SOS2: variants seen among roughly 807,000 people sequenced by gnomAD.
SOS2 encodes the protein son of sevenless homolog 2.
SOS2 carries 65 observed loss-of-function variants against 148.2 expected under a neutral mutation model. The ratio of observed to expected loss-of-function variants is 0.44; its 90% CI spans 0.36 to 0.54. SOS2 has a LOEUF of 0.54. SOS2 is among the 20% of genes least tolerant of loss of function. The probability of loss-of-function intolerance (pLI) is 0.00; values close to 1 mark genes in which losing one functional copy is unlikely to be tolerated. For missense variants in SOS2, 1,341 were observed against 1,590.2 expected (o/e 0.84, Z 2.67); for synonymous variants, 539 against 537.1 (o/e 1.00, Z -0.05).
chr14:50,152,186 G>A (rs61982683), intron 13 of SOS2, among the ~76,000 whole-genome samples: 5 of 152,106 alleles, frequency 3.3e-5, no homozygotes, highest in Admixed American at 6.6e-5. Context: ...ACTTGTTATA[G>A]TATTTGTAAT....
chr14:50,204,091 G>T (rs1232143585), intron 2 of SOS2, among the ~76,000 whole-genome samples, 193 bp downstream of exon 2: 1 of 146,784 alleles, frequency 6.8e-6, no homozygotes, highest in Non-Finnish European at 1.5e-5. Context: ...GTTGTTCTAA[G>T]TTTTTTTTTT....
chr14:50,123,272 A>G (rs1464162205), intron 21 of SOS2, among the ~76,000 whole-genome samples: 1 of 152,122 alleles, frequency 6.6e-6, no homozygotes, highest in Non-Finnish European at 1.5e-5. Context: ...AAGGGGGAGA[A>G]TAAGTGATGA....
At chr14:50,178,668 GTGCATATATATA>G (rs1207462406) in intron 7 of SOS2, among the ~76,000 whole-genome samples, 20,067 of 68,132 alleles carry the variant, frequency 0.29, 2,001 homozygotes, top group East Asian at 0.42. Flanking sequence ...GTGTGTGTGT[GTGCATATATATA>G]TATATATATA....
rs369864316 is a variant in SOS2 at position 50,202,973 on chromosome 14, C to G, written c.213+1311G>C. On this transcript the variant is annotated intron_variant, in intron 2 of 22. Coordinates refer to ENST00000216373, the MANE Select transcript of SOS2 (RefSeq NM_006939.4). ...GAGTTCAAGACCAGCCTGGGCAACA[C>G]GGCAAGGCCCAGTCTTTACAAAAAT... is the stretch of plus-strand genomic sequence containing the variant. 3.7e-4 allele frequency among the ~76,000 whole-genome samples: 57 copies of G among 152,050 alleles called. No individual in the cohort carries two copies. The South Asian group carries it at 0.011, about 30-fold the overall frequency.
chr14:50,204,460 AC>A, intron 1 of SOS2, 51 bp from the exon 2 acceptor site: 1 of 1,141,058 alleles, frequency 8.8e-7, no homozygotes, highest in Non-Finnish European at 1.3e-6. Context: ...TATAAATTGA[AC>A]AAAAGTCAAA....
At position 50,136,977 on chromosome 14, in the gene SOS2, T is replaced by C. The variant is rs17122168; in HGVS notation, c.2958+1635A>G. On this transcript the variant is annotated intron_variant, in intron 18 of 22. Coordinates refer to ENST00000216373, the MANE Select transcript of SOS2 (RefSeq NM_006939.4). ...TTTGAACCGGGAACAAAGAAGTTTC[T>C]ATCTCATAATTTAGGAGGGTGGAAG... Among the ~76,000 whole-genome samples the C allele has an allele frequency of 9.1e-3, 1,386 of 152,298 alleles. 25 individuals carry two copies. Among genetic ancestry groups the C allele is most frequent in the African/African-American group, 0.032 (1,322 of 41,562 alleles).
chr14:50,227,244 TTTC>T (rs1243126344), intron 1 of SOS2, among the ~76,000 whole-genome samples: 29 of 30,212 alleles, frequency 9.6e-4, no homozygotes, highest in African/African-American at 1.7e-3. Flanking sequence ...TCTTTCTTTC[TTTC>T]TTTTTTTTTT....
At chr14:50,128,027 T>C (rs541553860) in intron 21 of SOS2, among the ~76,000 whole-genome samples, 1 of 152,320 alleles carries the variant, frequency 6.6e-6, no homozygotes, top group South Asian at 2.1e-4. Flanking sequence ...TTTCCATATA[T>C]GCAATAACTT....
In SOS2 at chr14:50,130,782, T is replaced by A. The variant is rs760423846; in HGVS notation, c.3076-20A>T. The A allele has an allele frequency of 3.2e-6, 5 of 1,580,280 alleles. No homozygotes were observed. In the African/African-American group the frequency reaches 6.8e-5, roughly 22 times the overall value. On this transcript the variant is annotated intron_variant, in intron 19 of 22. Transcript: ENST00000216373. ...CCTAGGCTGAGAAAAGCAAACATAA[T>A]TAATGTCACAAATTTGCATAGACAA...
At chr14:50,215,674 A>C (rs1887021472) in intron 1 of SOS2, among the ~76,000 whole-genome samples, 1 of 152,234 alleles carries the variant, frequency 6.6e-6, no homozygotes, top group African/African-American at 2.4e-5. Flanking sequence ...ATGTATACAT[A>C]TGTAACTAAC....
intron 1 of SOS2, among the ~76,000 whole-genome samples, chr14:50,215,780 C>T (rs1887026161): frequency 6.6e-6 from 1 of 152,142 alleles, no homozygotes; most frequent in African/African-American, 2.4e-5. Context: ...TGTAGACACA[C>T]ACAAAAGCAC....
At chr14:50,155,247 A>AT (rs1884775893) in intron 12 of SOS2, among the ~76,000 whole-genome samples, 1 of 45,254 alleles carries the variant, frequency 2.2e-5, no homozygotes, top group African/African-American at 8.0e-5. Context: ...AAATCTTTCA[A>AT]TATTTATATA....
At chr14:50,197,603 A>T (rs1261794633) in intron 4 of SOS2, among the ~76,000 whole-genome samples, 1 of 151,076 alleles carries the variant, frequency 6.6e-6, no homozygotes, top group East Asian at 1.9e-4. Context: ...TGATTCTAAC[A>T]TCTCTCTCCC....
chr14:50,198,477 A>G (rs543215917), intron 4 of SOS2, among the ~76,000 whole-genome samples: 10 of 152,350 alleles, frequency 6.6e-5, no homozygotes, highest in Non-Finnish European at 1.3e-4. Context: ...CTCAGTCATT[A>G]TAACTGCACA....
intron 14 of SOS2, among the ~76,000 whole-genome samples, chr14:50,147,063 T>C (rs1945745650): frequency 6.7e-6 from 1 of 149,504 alleles, no homozygotes; most frequent in Non-Finnish European, 1.5e-5. Flanking sequence ...ACAGGCACAG[T>C]AGTTCCTCCC....
intron 17 of SOS2, among the ~76,000 whole-genome samples, chr14:50,139,244 T>A (rs951919831): frequency 1.3e-5 from 2 of 152,016 alleles, no homozygotes; most frequent in African/African-American, 4.8e-5. Context: ...GACTGTAATT[T>A]AGATAGAAAA....
intron 4 of SOS2, among the ~76,000 whole-genome samples, chr14:50,191,141 A>G (rs1050496027): frequency 1.3e-5 from 2 of 152,054 alleles, no homozygotes; most frequent in Admixed American, 6.6e-5. Context: ...TTTTTGACAC[A>G]GCTGACCATT....
intron 8 of SOS2, among the ~76,000 whole-genome samples, chr14:50,166,945 T>C (rs1056876795): frequency 5.3e-5 from 8 of 152,150 alleles, no homozygotes; most frequent in South Asian, 2.1e-4. Context: ...CACGGGCTCA[T>C]GCCTGTAATC....
chr14:50,207,044 G>T (rs978439314), intron 1 of SOS2, among the ~76,000 whole-genome samples: 1 of 152,048 alleles, frequency 6.6e-6, no homozygotes, highest in African/African-American at 2.4e-5. Context: ...GTTGAGACTT[G>T]CATTATAGCC....
Sources: allele counts gnomAD v4.1 joint callset (sites outside exome capture counted in the v4.1 genomes callset), GRCh38; gene constraint gnomAD v4.1.1; transcripts MANE v1.5; gene names NCBI Gene and HGNC (gene_info 2026-07-23, HGNC 2026-07-21).